Variants in DLG2 observed in about 807,000 individuals in gnomAD.
DLG2 encodes disks large homolog 2.
A neutral mutation model predicts 132.5 loss-of-function variants in DLG2; 45 were observed. The observed-to-expected ratio is 0.34, with a 90% CI of 0.27 to 0.44. The LOEUF is 0.44. Among genes scored for constraint, DLG2 ranks in the 20% least tolerant of loss-of-function variants. The pLI is 1.00. For synonymous variants in DLG2, 424 were observed against 419.6 expected, an observed-to-expected ratio of 1.01 and a Z score of -0.13; for missense variants, 1,045 against 1,196.9, an observed-to-expected ratio of 0.87 and a Z score of 1.87.
intron 16 of DLG2, among the ~76,000 whole-genome samples, chr11:83,848,932 G>A (rs949336539): frequency 2.0e-5 from 3 of 152,164 alleles, no homozygotes; most frequent in Non-Finnish European, 2.9e-5. Context: ...TGTTCCCAGA[G>A]CATTTTATTT....
chr11:85,455,449 T>C (rs1011960335), intron 3 of DLG2, among the ~76,000 whole-genome samples: 11 of 152,200 alleles, frequency 7.2e-5, no homozygotes, highest in African/African-American at 2.4e-4. Context: ...TTGCTAGATA[T>C]TGAATCATGT....
Position 83,459,793 on chromosome 11 carries a change from CGTT to C in DLG2, c.*22_*24del, listed in dbSNP as rs762678498. ...TTTGTTCTTCTAAATGCTCTTCTGTCGTTGTCAGAGGCGCAGTAGCTAATTTAT... is the reference window on the plus strand; with the variant it reads ...TTTGTTCTTCTAAATGCTCTTCTGTCGTCAGAGGCGCAGTAGCTAATTTAT... On this transcript the variant is annotated 3_prime_UTR_variant, in exon 28 of 28. Transcript: ENST00000376104. 3.2e-6 allele frequency: 4 copies of C among 1,245,086 alleles called. No individual in the cohort carries two copies. The highest frequency in any genetic ancestry group is 1.2e-5 in the South Asian group (1 of 83,468). 77.1% of individuals were successfully genotyped at this position (1,245,086 alleles called of 1,614,324 possible).
At chr11:83,813,862 T>C (rs982791043) in intron 17 of DLG2, among the ~76,000 whole-genome samples, 12 of 152,138 alleles carry the variant, frequency 7.9e-5, no homozygotes, top group Non-Finnish European at 5.9e-5. Context: ...ACATGTATTA[T>C]CAATTTCTCC....
intron 3 of DLG2, among the ~76,000 whole-genome samples, chr11:85,459,564 T>A (rs1488453392): frequency 6.6e-6 from 1 of 152,086 alleles, no homozygotes; most frequent in East Asian, 1.9e-4. Context: ...GTGGCTATTA[T>A]GTGGTGCAAA....
At chr11:84,013,999 A>T (rs1294408826) in intron 11 of DLG2, among the ~76,000 whole-genome samples, 1 of 152,050 alleles carries the variant, frequency 6.6e-6, no homozygotes, top group Non-Finnish European at 1.5e-5. Context: ...TCTTGAGTAT[A>T]TCTTCACAAT....
At chr11:83,681,035 G>C (rs2078698335) in intron 18 of DLG2, among the ~76,000 whole-genome samples, 1 of 152,098 alleles carries the variant, frequency 6.6e-6, no homozygotes, top group Non-Finnish European at 1.5e-5. Context: ...TATGGGTTTA[G>C]AAGACAGTAG....
intron 3 of DLG2, among the ~76,000 whole-genome samples, chr11:85,429,170 T>C (rs1597267539): frequency 1.3e-5 from 2 of 152,112 alleles, no homozygotes; most frequent in South Asian, 2.1e-4. Context: ...CAGGACCAGA[T>C]GGATTCACAG....
chr11:84,233,654 A>G (rs954704809), intron 8 of DLG2, among the ~76,000 whole-genome samples: 4 of 152,198 alleles, frequency 2.6e-5, no homozygotes, highest in Non-Finnish European at 5.9e-5. Context: ...TGGTCTAACC[A>G]GTTTTTTGCA....
intron 6 of DLG2, among the ~76,000 whole-genome samples, chr11:84,911,949 C>T (rs1342111508): frequency 1.3e-5 from 2 of 152,008 alleles, no homozygotes; most frequent in African/African-American, 2.4e-5. Context: ...TTTTTCATCT[C>T]CTCAACTGTA....
At chr11:84,235,196 T>G (rs2097143190) in intron 8 of DLG2, among the ~76,000 whole-genome samples, 3 of 152,232 alleles carry the variant, frequency 2.0e-5, no homozygotes, top group African/African-American at 7.2e-5. Context: ...TCCACTTTTT[T>G]GGACTGAACC....
intron 3 of DLG2, among the ~76,000 whole-genome samples, chr11:85,414,595 ATATATCTGTTAAGTCCATTTGTTCCAGCG>A (rs1490294157): frequency 1.2e-4 from 19 of 152,116 alleles, no homozygotes; most frequent in Admixed American, 1.1e-3. Flanking sequence ...AATATTCTAT[ATATATCTGTTAAGTCCATTTGTTCCAGCG>A]TATAGTTTTA....
chr11:84,946,785 T>C (rs1234926166), intron 6 of DLG2, among the ~76,000 whole-genome samples: 2 of 152,154 alleles, frequency 1.3e-5, no homozygotes, highest in Non-Finnish European at 2.9e-5. Flanking sequence ...GCACCAGGAC[T>C]TACCAAGGAA....
At chr11:84,584,415 T>C (rs965369003) in intron 6 of DLG2, among the ~76,000 whole-genome samples, 6 of 151,982 alleles carry the variant, frequency 3.9e-5, no homozygotes, top group African/African-American at 1.4e-4. Context: ...CATATATTCA[T>C]AGCTCAATAT....
chr11:85,255,279 T>C (rs547784479), intron 4 of DLG2, among the ~76,000 whole-genome samples: 1 of 152,308 alleles, frequency 6.6e-6, no homozygotes, highest in South Asian at 2.1e-4. Context: ...TTATGAATTT[T>C]AGCAGTGTTT....
intron 6 of DLG2, among the ~76,000 whole-genome samples, chr11:84,946,858 T>C (rs1252424780): frequency 1.3e-5 from 2 of 152,212 alleles, no homozygotes; most frequent in African/African-American, 4.8e-5. Flanking sequence ...CCCTTTAGCA[T>C]GCAATGGTGG....
chr11:83,467,810 T>TATATATATATAC (rs1414160515), intron 25 of DLG2, among the ~76,000 whole-genome samples: 5 of 96,284 alleles, frequency 5.2e-5, no homozygotes, highest in African/African-American at 1.6e-4. Context: ...TATATATATA[T>TATATATATATAC]ACACACACAC....
chr11:85,308,720 C>T (rs2080124337), intron 3 of DLG2, among the ~76,000 whole-genome samples: 2 of 152,122 alleles, frequency 1.3e-5, no homozygotes, highest in South Asian at 2.1e-4. Context: ...TGATTCCTTT[C>T]CTTCCACGAC....
chr11:83,579,373 C>T (rs865980592), intron 19 of DLG2, among the ~76,000 whole-genome samples: 5 of 152,312 alleles, frequency 3.3e-5, no homozygotes, highest in South Asian at 2.1e-4. Context: ...CTCTTTCTCA[C>T]GTGGTCCATG....
At chr11:84,056,481 T>C (rs368361380) in intron 11 of DLG2, among the ~76,000 whole-genome samples, 6 of 152,248 alleles carry the variant, frequency 3.9e-5, no homozygotes, top group African/African-American at 1.2e-4. Flanking sequence ...GCATTAAAGG[T>C]AGTTGACTTC....
Sources: gnomAD v4.1 joint callset for allele counts (sites outside exome capture counted in the v4.1 genomes callset) on GRCh38, gnomAD v4.1.1 for gene constraint, MANE v1.5 for transcripts, NCBI Gene and HGNC (gene_info 2026-07-23, HGNC 2026-07-21) for gene names.